METRNL: variants seen among roughly 807,000 people sequenced by gnomAD.
METRNL encodes meteorin-like protein.
METRNL carries 9 observed loss-of-function variants against 17.4 expected under a neutral mutation model. The observed-to-expected ratio is 0.52, with a 90% CI of 0.31 to 0.90. The LOEUF is 0.90. Ranked by LOEUF, METRNL falls within the 40% of genes least tolerant of loss-of-function variation. The pLI is 0.05. For missense variants in METRNL, 408 were observed against 430.7 expected (o/e 0.95, Z 0.47); for synonymous variants, 215 against 199.3 (o/e 1.08, Z -0.66).
At chr17:83,080,709 C>G (rs1362663150) in intron 1 of METRNL, among the ~76,000 whole-genome samples, 3 of 149,932 alleles carry the variant, frequency 2.0e-5, no homozygotes, top group Admixed American at 6.6e-5. Flanking sequence ...CCCAGGGCGC[C>G]GAGGGCACCG....
At chr17:83,083,527 T>C (rs971488963) in intron 1 of METRNL, among the ~76,000 whole-genome samples, 1 of 152,222 alleles carries the variant, frequency 6.6e-6, no homozygotes, top group African/African-American at 2.4e-5. Flanking sequence ...ACACACGTGT[T>C]AGATGAGCTT....
chr17:83,090,746 A>C (rs1600492239), intron 2 of METRNL, among the ~76,000 whole-genome samples: 1 of 151,278 alleles, frequency 6.6e-6, no homozygotes, highest in Non-Finnish European at 1.5e-5. Flanking sequence ...CTGGGCTGGG[A>C]CCTCTGGCCC....
rs752059606 is a variant in METRNL, at chr17:83,084,965, G to T, written c.198G>T (p.Lys66Asn). ...GGCTGACGCACGAGGCACACAGGAAGGAGGTGGAGCAGGTGTATCTGCGCT... is the reference window on the plus strand; with the variant it reads ...GGCTGACGCACGAGGCACACAGGAATGAGGTGGAGCAGGTGTATCTGCGCT... ...GSGLTHEAHR[K>N]EVEQVYLRCA... Residue 66 changes from lysine (K) to asparagine (N), a missense_variant, in exon 2 of 4, where the codon AAG becomes AAT. Coordinates refer to ENST00000320095, the MANE Select transcript of METRNL (RefSeq NM_001004431.3). 1 of 1,613,060 alleles carries T rather than the reference G, an allele frequency of 6.2e-7. No homozygotes were observed. The highest frequency in any genetic ancestry group is 1.1e-5 in the South Asian group (1 of 91,072).
chr17:83,084,617 G>T (rs77871044), intron 1 of METRNL: 2 of 372,178 alleles, frequency 5.4e-6, no homozygotes, highest in East Asian at 4.1e-5. Flanking sequence ...CAGCAGAGGC[G>T]CAGACTCTTG....
chr17:83,083,995 T>G (rs1019556941), intron 1 of METRNL: 1 of 152,240 alleles, frequency 6.6e-6, no homozygotes, highest in Non-Finnish European at 1.5e-5. Context: ...GTGAGGGTTT[T>G]GATGTTTCAG....
intron 2 of METRNL, among the ~76,000 whole-genome samples, chr17:83,089,998 G>A (rs545699506): frequency 7.2e-5 from 11 of 151,956 alleles, no homozygotes; most frequent in Non-Finnish European, 1.6e-4. Context: ...CCTCCCCCTC[G>A]GCCGTCCGCT....
intron 1 of METRNL, chr17:83,082,300 C>T (rs1170653704): frequency 3.1e-6 from 3 of 977,764 alleles, no homozygotes; most frequent in East Asian, 1.1e-4. Flanking sequence ...AGGAGCCGGG[C>T]ATTTTGTCCT....
At chr17:83,082,263 G>C in intron 1 of METRNL, 1 of 985,440 alleles carries the variant, frequency 1.0e-6, no homozygotes, top group Non-Finnish European at 1.2e-6. Flanking sequence ...CTGCCAGTGG[G>C]TTCGAAGCCC....
chr17:83,094,434 G>C lies in METRNL; in HGVS notation c.795G>C (p.Gly265=), dbSNP rs762372765. Residue 265 remains glycine, a synonymous_variant, in exon 4 of 4, where the codon GGG becomes GGC. Coordinates refer to ENST00000320095, the MANE Select transcript of METRNL (RefSeq NM_001004431.3). ...TGCTGGAGTGTGGCGTGCGGCCGGG[G>C]CATGGCGACTTCCTCTTCACTGGCC... The part of the protein sequence containing the change: ...RTLLECGVRP[G]HGDFLFTGHM... 11 of 1,598,318 alleles carry C rather than the reference G, an allele frequency of 6.9e-6. No homozygotes were observed. Among genetic ancestry groups the C allele is most frequent in the South Asian group, 1.1e-5 (1 of 90,190 alleles).
chr17:83,080,049 C>A, intron 1 of METRNL, 64 bp downstream of exon 1: 2 of 968,306 alleles, frequency 2.1e-6, no homozygotes, highest in Non-Finnish European at 2.5e-6. Context: ...CGTCCCGGGC[C>A]GGCCGAGCGT....
chr17:83,082,383 A>T (rs1460542206), intron 1 of METRNL, among the ~76,000 whole-genome samples: 1 of 152,226 alleles, frequency 6.6e-6, no homozygotes, highest in Non-Finnish European at 1.5e-5. Flanking sequence ...CCCTTCAGTG[A>T]GTCCCTTTAT....
At position 83,079,893 on chromosome 17, in the gene METRNL, G is replaced by A. The variant is rs747762610; in HGVS notation, c.78G>A (p.Pro26=). The A allele has an allele frequency of 2.0e-3, 1,928 of 987,096 alleles. 31 individuals carry two copies. In the African/African-American group the frequency reaches 0.031, roughly 16 times the overall value. The allele number at this position is 987,096 out of a possible 1,614,324, so 61.1% of individuals were successfully genotyped here. Residue 26 remains proline, a synonymous_variant, in exon 1 of 4, where the codon CCG becomes CCA. Coordinates refer to ENST00000320095, the MANE Select transcript of METRNL (RefSeq NM_001004431.3). ...GACCCCCCGCCCCGGGCCCGCCCCC[G>A]CCGCCGCTCCCGCTGCTGCTCCTGC... is the stretch of plus-strand genomic sequence containing the variant. ...WPRPPAPGPP[P]PPLPLLLLLL...
intron 1 of METRNL, 162 bp downstream of exon 1, chr17:83,080,147 C>T (rs1236276306): frequency 2.1e-4 from 48 of 228,160 alleles, no homozygotes; most frequent in Non-Finnish European, 4.4e-5. Context: ...CCCCCGCCCC[C>T]GGTTCTAGAA....
At position 83,094,470 on chromosome 17, in the gene METRNL, C is replaced by G; in HGVS notation, c.831C>G (p.Phe277Leu). 5.0e-6 allele frequency: 8 copies of G among 1,585,912 alleles called. No homozygotes were observed. Among genetic ancestry groups the G allele is most frequent in the Non-Finnish European group, 6.9e-6 (8 of 1,160,070 alleles). The stretch of plus-strand genomic sequence containing the variant: ...TCCTCTTCACTGGCCACATGCACTT[C>G]GGGGAGGCGCGGCTCGGCTGTGCCC... ...GDFLFTGHMH[F>L]GEARLGCAPR... Residue 277 changes from phenylalanine to leucine, a missense_variant, in exon 4 of 4, where the codon TTC becomes TTG. Transcript: ENST00000320095.
At chr17:83,085,985 T>C (rs1000078181) in intron 2 of METRNL, among the ~76,000 whole-genome samples, 7 of 152,186 alleles carry the variant, frequency 4.6e-5, no homozygotes, top group African/African-American at 1.7e-4. Flanking sequence ...ACAGACAGCT[T>C]CCCTGTGTGG....
At chr17:83,089,625 A>T (rs1568338217) in intron 2 of METRNL, among the ~76,000 whole-genome samples, 1 of 151,094 alleles carries the variant, frequency 6.6e-6, no homozygotes, top group Non-Finnish European at 1.5e-5. Flanking sequence ...ATGGACCAGG[A>T]TTCCAACCCT....
At chr17:83,093,121 G>C (rs776248522) in intron 2 of METRNL, 46 bp from the exon 3 acceptor site, 5 of 1,563,558 alleles carry the variant, frequency 3.2e-6, no homozygotes, top group African/African-American at 1.3e-5. Context: ...GCGTTCCAGA[G>C]CCTGTCCCGT....
intron 1 of METRNL, among the ~76,000 whole-genome samples, chr17:83,081,339 C>G (rs890511056): frequency 4.6e-5 from 7 of 152,166 alleles, no homozygotes; most frequent in Non-Finnish European, 8.8e-5. Context: ...GCGTTCCGCT[C>G]CAGCAGACCG....
intron 1 of METRNL, 186 bp from the exon 2 acceptor site, chr17:83,084,752 G>C (rs1020770293): frequency 3.2e-6 from 2 of 632,270 alleles, no homozygotes; most frequent in African/African-American, 4.1e-5. Context: ...CCCTTGTGCC[G>C]AAGGGCGGAG....
Sources: allele counts gnomAD v4.1 joint callset (sites outside exome capture counted in the v4.1 genomes callset), GRCh38; gene constraint gnomAD v4.1.1; transcripts MANE v1.5; gene names NCBI Gene and HGNC (gene_info 2026-07-23, HGNC 2026-07-21).